The following IPCEF1 variants were observed in gnomAD, a reference collection of about 807,000 sequenced individuals.
IPCEF1 encodes interaction protein for cytohesin exchange factors 1, also known as interactor protein for cytohesin exchange factors 1.
In IPCEF1, 31 loss-of-function variants were observed where a neutral mutation model predicts 50.9. The ratio of observed to expected loss-of-function variants is 0.61; its 90% CI spans 0.46 to 0.82. The LOEUF (loss-of-function observed/expected upper bound fraction) is 0.82. Ranked by LOEUF, IPCEF1 falls within the 40% of genes least tolerant of loss-of-function variation. The pLI is 0.00. For synonymous variants in IPCEF1, 181 were observed against 192.0 expected (o/e 0.94, Z 0.47); for missense variants, 458 against 514.0 (o/e 0.89, Z 1.05).
At chr6:154,328,851 C>T (rs372509720) in intron 1 of IPCEF1, among the ~76,000 whole-genome samples, 44 of 152,170 alleles carry the variant, frequency 2.9e-4, no homozygotes, top group African/African-American at 1.0e-3. Flanking sequence ...TTGAAGCATT[C>T]GATGTTATTG....
rs35398081 is a variant in IPCEF1, at chr6:154,189,943, C to CA, written c.910+9724dup. Among the ~76,000 whole-genome samples, 758 of 136,062 alleles carry CA rather than the reference C, an allele frequency of 5.6e-3. 9 individuals are homozygous for CA. The highest frequency in any genetic ancestry group is 0.019 in the African/African-American group (714 of 38,254). 89.3% of individuals were successfully genotyped at this position (136,062 alleles called of 152,430 possible). A position where few individuals can be genotyped will look rare whatever the true frequency, so the allele number is the denominator to read the frequency against. On this transcript the variant is annotated intron_variant, in intron 10 of 11. Coordinates refer to ENST00000367220, the MANE Select transcript of IPCEF1 (RefSeq NM_001130700.2). Reference sequence around the variant, plus strand: ...TGGGCGACAGAGTAAGACTCAGTCTCAAAAAAAAAAGAAACATCACACCGT... The same window carrying CA: ...TGGGCGACAGAGTAAGACTCAGTCTCAAAAAAAAAAAGAAACATCACACCGT...
intron 5 of IPCEF1, among the ~76,000 whole-genome samples, chr6:154,243,812 T>C (rs968474893): frequency 2.0e-5 from 3 of 152,204 alleles, no homozygotes; most frequent in South Asian, 2.1e-4. Context: ...CTTGGGACAA[T>C]TGACGCAATC....
chr6:154,277,017 G>A (rs1053976671), intron 2 of IPCEF1, among the ~76,000 whole-genome samples: 1 of 152,236 alleles, frequency 6.6e-6, no homozygotes, highest in Non-Finnish European at 1.5e-5. Flanking sequence ...GGAAGGGTCT[G>A]ATCAGCAGGC....
chr6:154,279,528 C>G (rs956318938), intron 2 of IPCEF1, among the ~76,000 whole-genome samples: 1 of 152,150 alleles, frequency 6.6e-6, no homozygotes, highest in African/African-American at 2.4e-5. Flanking sequence ...AATTTACTTG[C>G]AATTGATTTT....
intron 1 of IPCEF1, among the ~76,000 whole-genome samples, chr6:154,351,716 G>A (rs1286265080): frequency 6.6e-6 from 1 of 152,128 alleles, no homozygotes; most frequent in Non-Finnish European, 1.5e-5. Context: ...TTTGAGGCAG[G>A]GGACTTTACC....
intron 10 of IPCEF1, among the ~76,000 whole-genome samples, chr6:154,186,218 C>A (rs969625995): frequency 9.2e-5 from 14 of 152,246 alleles, no homozygotes; most frequent in Admixed American, 2.0e-4. Context: ...TGAGGCATTT[C>A]AAATTCAACT....
At chr6:154,349,480 G>GC (rs1238836510) in intron 1 of IPCEF1, among the ~76,000 whole-genome samples, 3 of 151,780 alleles carry the variant, frequency 2.0e-5, no homozygotes, top group Non-Finnish European at 4.4e-5. Context: ...TTCCACCTCA[G>GC]CCTCCCAAAG....
chr6:154,334,614 G>A (rs912699130), intron 1 of IPCEF1, among the ~76,000 whole-genome samples: 5 of 152,174 alleles, frequency 3.3e-5, no homozygotes, highest in African/African-American at 4.8e-5. Flanking sequence ...AATCAACAGA[G>A]ACAACTTATT....
At chr6:154,319,837 C>CT (rs1365103787) in intron 1 of IPCEF1, among the ~76,000 whole-genome samples, 1 of 152,182 alleles carries the variant, frequency 6.6e-6, no homozygotes, top group African/African-American at 2.4e-5. Flanking sequence ...CAGGCATGGG[C>CT]TTTTCTTTTG....
At chr6:154,189,127 C>CA (rs1801636554) in intron 10 of IPCEF1, among the ~76,000 whole-genome samples, 1 of 151,776 alleles carries the variant, frequency 6.6e-6, no homozygotes, top group Non-Finnish European at 1.5e-5. Context: ...ATTGGAAAAA[C>CA]AAAAAAACAC....
rs117931152 is a variant in IPCEF1 at position 154,242,300 on chromosome 6, C to T, written c.246+4291G>A. On this transcript the variant is annotated intron_variant, in intron 5 of 11. Coordinates refer to ENST00000367220, the MANE Select transcript of IPCEF1 (RefSeq NM_001130700.2). Reference sequence around the variant, plus strand: ...ATTCAGATTGCTCCTTTTCCCATATCTGTTTTTAAGAATAGAGGTGGAAAT... The same window carrying T: ...ATTCAGATTGCTCCTTTTCCCATATTTGTTTTTAAGAATAGAGGTGGAAAT... Among the ~76,000 whole-genome samples, 1,138 of 152,280 alleles carry T rather than the reference C, an allele frequency of 7.5e-3. 30 individuals carry two copies. The highest frequency in any genetic ancestry group is 0.051 in the Admixed American group (781 of 15,298).
At position 154,159,592 on chromosome 6, in the gene IPCEF1, A is replaced by C; in HGVS notation, c.*236T>G. 1.9e-6 allele frequency: 1 copy of C among 522,926 alleles called. No individual in the cohort carries two copies. 32.4% of individuals were successfully genotyped at this position (522,926 alleles called of 1,614,324 possible). A position where few individuals can be genotyped will look rare whatever the true frequency, so the allele number is the denominator to read the frequency against. On this transcript the variant is annotated 3_prime_UTR_variant, in exon 12 of 12. Coordinates refer to ENST00000367220, the MANE Select transcript of IPCEF1 (RefSeq NM_001130700.2). Reference sequence around the variant, plus strand: ...CACCGTGAGCTCCCAGTAGGAACACAAAAAACGCCTTTCAACTGAACTCAA... The same window carrying C: ...CACCGTGAGCTCCCAGTAGGAACACCAAAAACGCCTTTCAACTGAACTCAA...
chr6:154,164,404 CAGA>C (rs1799261632), intron 11 of IPCEF1, among the ~76,000 whole-genome samples: 1 of 152,134 alleles, frequency 6.6e-6, no homozygotes. Flanking sequence ...GACAATAATA[CAGA>C]AGAAGGAAAT....
intron 2 of IPCEF1, among the ~76,000 whole-genome samples, chr6:154,284,180 A>T (rs995116174): frequency 2.6e-5 from 4 of 152,232 alleles, no homozygotes; most frequent in Non-Finnish European, 4.4e-5. Context: ...CCATTAATAT[A>T]ATTCCTTCTT....
chr6:154,247,992 A>G (rs1781195964), intron 3 of IPCEF1, among the ~76,000 whole-genome samples: 2 of 152,346 alleles, frequency 1.3e-5, no homozygotes, highest in South Asian at 4.1e-4. Flanking sequence ...CCTAAACCAC[A>G]TGAATTAAAT....
rs1291262140 is a variant in IPCEF1, at chr6:154,268,965, T to C, written c.-17-3001A>G. Among the ~76,000 whole-genome samples, 3 of 152,294 alleles carry C rather than the reference T, an allele frequency of 2.0e-5. No individual in the cohort carries two copies. In the East Asian group the frequency reaches 5.8e-4, roughly 29 times the overall value. On this transcript the variant is annotated intron_variant, in intron 2 of 11. Coordinates refer to ENST00000367220, the MANE Select transcript of IPCEF1 (RefSeq NM_001130700.2). Reference sequence around the variant, plus strand: ...CTCACATCACCTTATTTTTTATTCATAGAAGTTTTCATCATTGTAGTGAAT... The same window carrying C: ...CTCACATCACCTTATTTTTTATTCACAGAAGTTTTCATCATTGTAGTGAAT...
intron 10 of IPCEF1, among the ~76,000 whole-genome samples, chr6:154,172,205 C>T (rs1339127541): frequency 1.3e-5 from 2 of 152,216 alleles, no homozygotes; most frequent in African/African-American, 4.8e-5. Flanking sequence ...CTCCAGTCTA[C>T]AACTCCCAGT....
chr6:154,185,797 TTC>T (rs1801290362), intron 10 of IPCEF1, among the ~76,000 whole-genome samples: 1 of 152,170 alleles, frequency 6.6e-6, no homozygotes. Flanking sequence ...TCACAAAAAA[TTC>T]TCATAATGTT....
intron 2 of IPCEF1, among the ~76,000 whole-genome samples, chr6:154,276,572 G>T (rs568581420): frequency 6.6e-6 from 1 of 152,164 alleles, no homozygotes; most frequent in Non-Finnish European, 1.5e-5. Context: ...GTGAAAAAAC[G>T]AATATACAGA....
Sources: allele counts gnomAD v4.1 joint callset (sites outside exome capture counted in the v4.1 genomes callset), GRCh38; gene constraint gnomAD v4.1.1; transcripts MANE v1.5; gene names NCBI Gene and HGNC (gene_info 2026-07-23, HGNC 2026-07-21).